KAT6A: variants seen among roughly 807,000 people sequenced by gnomAD.
KAT6A encodes the protein lysine acetyltransferase 6A.
KAT6A carries 9 observed loss-of-function variants against 198.4 expected under a neutral mutation model. That is an observed-to-expected ratio of 0.05 (90% confidence interval 0.03 to 0.08). KAT6A has a LOEUF of 0.08. Ranked by LOEUF, KAT6A falls within the 10% of genes least tolerant of loss-of-function variation. The pLI, the probability that KAT6A is intolerant of heterozygous loss-of-function variation, is 1.00. For synonymous variants in KAT6A, 890 were observed against 883.0 expected (o/e 1.01, Z -0.14); for missense variants, 2,077 against 2,509.9 (o/e 0.83, Z 3.69).
intron 2 of KAT6A, among the ~76,000 whole-genome samples, chr8:42,030,711 C>T (rs971246082): frequency 6.6e-6 from 1 of 151,818 alleles, no homozygotes; most frequent in African/African-American, 2.4e-5. Flanking sequence ...ATTACAGAAG[C>T]CTGCCACCAC....
chr8:41,944,484 C>T (rs1235620914), intron 12 of KAT6A, among the ~76,000 whole-genome samples: 1 of 152,102 alleles, frequency 6.6e-6, no homozygotes, highest in Admixed American at 6.5e-5. Context: ...AGCAGGACTG[C>T]CAATATAAGT....
chr8:42,030,711 C>G (rs971246082), intron 2 of KAT6A, among the ~76,000 whole-genome samples: 1 of 151,818 alleles, frequency 6.6e-6, no homozygotes, highest in Non-Finnish European at 1.5e-5. Flanking sequence ...ATTACAGAAG[C>G]CTGCCACCAC....
intron 2 of KAT6A, among the ~76,000 whole-genome samples, chr8:42,028,740 A>G (rs909448635): frequency 2.6e-5 from 4 of 152,190 alleles, no homozygotes; most frequent in Non-Finnish European, 2.9e-5. Context: ...TGACAGCTGA[A>G]GACTTATCCT....
chr8:41,956,445 A>G (rs1483064187), intron 8 of KAT6A, among the ~76,000 whole-genome samples: 1 of 152,262 alleles, frequency 6.6e-6, no homozygotes, highest in Non-Finnish European at 1.5e-5. Flanking sequence ...GACCACTAAG[A>G]GACTAGTAAA....
intron 2 of KAT6A, among the ~76,000 whole-genome samples, chr8:41,987,893 A>C (rs898302550): frequency 3.3e-5 from 5 of 152,246 alleles, no homozygotes; most frequent in Non-Finnish European, 2.9e-5. Context: ...TCAAGAAGAC[A>C]CAGTGTAAGC....
chr8:42,035,909 A>G (rs1041126139), intron 2 of KAT6A, among the ~76,000 whole-genome samples: 2 of 152,176 alleles, frequency 1.3e-5, no homozygotes, highest in Non-Finnish European at 2.9e-5. Context: ...AGTGAGCGAG[A>G]AAGATGATAG....
At chr8:42,018,436 C>G (rs887079390) in intron 2 of KAT6A, among the ~76,000 whole-genome samples, 1 of 152,140 alleles carries the variant, frequency 6.6e-6, no homozygotes, top group African/African-American at 2.4e-5. Context: ...CGCTTGAACC[C>G]AGGAGGTGGA....
intron 2 of KAT6A, among the ~76,000 whole-genome samples, chr8:42,046,817 A>T (rs931445554): frequency 1.3e-5 from 2 of 152,202 alleles, no homozygotes; most frequent in African/African-American, 4.8e-5. Flanking sequence ...AAATGCTCAA[A>T]TTACATAGAG....
chr8:41,959,123 T>G (rs1823066621), intron 8 of KAT6A, among the ~76,000 whole-genome samples: 1 of 136,966 alleles, frequency 7.3e-6, no homozygotes, highest in Non-Finnish European at 1.5e-5. Context: ...ATCGCGCCAC[T>G]GCACTCCAGC....
intron 2 of KAT6A, among the ~76,000 whole-genome samples, chr8:42,046,646 A>AATGAT (rs1802318023): frequency 6.6e-6 from 1 of 152,244 alleles, no homozygotes; most frequent in Non-Finnish European, 1.5e-5. Flanking sequence ...CAGGCAGTTA[A>AATGAT]CCTGTTAGAT....
intron 5 of KAT6A, 45 bp from the exon 6 acceptor site, chr8:41,978,822 T>C (rs1824202642): frequency 1.3e-6 from 2 of 1,572,392 alleles, no homozygotes; most frequent in Non-Finnish European, 1.7e-6. Flanking sequence ...CAGACATAAA[T>C]ACACTGAAAG....
intron 8 of KAT6A, among the ~76,000 whole-genome samples, chr8:41,959,664 A>G (rs1823095304): frequency 6.6e-6 from 1 of 152,226 alleles, no homozygotes; most frequent in Non-Finnish European, 1.5e-5. Context: ...CAGCCTTAAA[A>G]AGGAAGGCAA....
At chr8:41,987,274 G>A (rs907944702) in intron 3 of KAT6A, among the ~76,000 whole-genome samples, 181 bp downstream of exon 3, 2 of 152,124 alleles carry the variant, frequency 1.3e-5, no homozygotes, top group South Asian at 2.1e-4. Context: ...CAGAACACTC[G>A]ATGATGTTCA....
At chr8:41,986,034 G>A (rs575541544) in intron 3 of KAT6A, among the ~76,000 whole-genome samples, 5 of 152,222 alleles carry the variant, frequency 3.3e-5, no homozygotes, top group Non-Finnish European at 5.9e-5. Context: ...TCTGCCTCCT[G>A]GATTCAAGCA....
intron 2 of KAT6A, among the ~76,000 whole-genome samples, chr8:42,032,871 CT>C (rs1163323345): frequency 0.017 from 1,332 of 76,538 alleles, 3 homozygotes; most frequent in South Asian, 0.045. Flanking sequence ...AAAACCTTGG[CT>C]TTTTTTTTTT....
chr8:41,992,046 C>T (rs1824973064), intron 2 of KAT6A, among the ~76,000 whole-genome samples: 1 of 151,850 alleles, frequency 6.6e-6, no homozygotes, highest in Admixed American at 6.6e-5. Flanking sequence ...ACAAAAAATA[C>T]AAAAATTATC....
intron 12 of KAT6A, among the ~76,000 whole-genome samples, chr8:41,946,031 CAA>C (rs879614787): frequency 4.8e-4 from 42 of 88,200 alleles, no homozygotes; most frequent in Admixed American, 5.7e-4. Flanking sequence ...CTCTGTCTCT[CAA>C]AAAAAAAAAA....
chr8:41,978,334 C>T (rs1000446080), intron 6 of KAT6A, among the ~76,000 whole-genome samples: 1 of 152,170 alleles, frequency 6.6e-6, no homozygotes, highest in Non-Finnish European at 1.5e-5. Context: ...ACTTTGGTGC[C>T]AGACTACTCG....
At chr8:42,011,631 G>A (rs1587822492) in intron 2 of KAT6A, among the ~76,000 whole-genome samples, 1 of 151,816 alleles carries the variant, frequency 6.6e-6, no homozygotes, top group East Asian at 1.9e-4. Context: ...TCCCAGCTAC[G>A]CAGGAGGCTG....
Sources: allele counts gnomAD v4.1 joint callset (sites outside exome capture counted in the v4.1 genomes callset), GRCh38; gene constraint gnomAD v4.1.1; transcripts MANE v1.5; gene names NCBI Gene and HGNC (gene_info 2026-07-23, HGNC 2026-07-21).